The following CHSY3 variants were observed in gnomAD, a reference collection of about 807,000 sequenced individuals.
The protein encoded by CHSY3 is N-acetylgalactosaminyl-proteoglycan 3-beta-glucuronosyltransferase 3.
In CHSY3, 35 loss-of-function variants were observed where a neutral mutation model predicts 67.2. That is an observed-to-expected ratio of 0.52 (90% CI 0.40 to 0.69). CHSY3 has a LOEUF of 0.69. Among genes scored for constraint, CHSY3 ranks in the 30% least tolerant of loss-of-function variants. The probability of loss-of-function intolerance (pLI) is 0.00; values close to 1 mark genes in which losing one functional copy is unlikely to be tolerated. For missense variants in CHSY3, 1,069 were observed against 1,138.5 expected, an observed-to-expected ratio of 0.94 and a Z score of 0.88; for synonymous variants, 474 against 434.7, an observed-to-expected ratio of 1.09 and a Z score of -1.12.
At chr5:129,908,393 T>C (rs780176119) in intron 2 of CHSY3, 33 bp downstream of exon 2, 1 of 1,608,628 alleles carries the variant, frequency 6.2e-7, no homozygotes, top group Non-Finnish European at 8.5e-7. Flanking sequence ...AATGTTCACA[T>C]AGTACATATA....
At chr5:129,939,201 A>C (rs1761617694) in intron 2 of CHSY3, among the ~76,000 whole-genome samples, 2 of 152,194 alleles carry the variant, frequency 1.3e-5, no homozygotes, top group Non-Finnish European at 2.9e-5. Flanking sequence ...AGATTTTATG[A>C]GAACTCTATC....
chr5:130,177,756 A>C (rs540404381), intron 2 of CHSY3, among the ~76,000 whole-genome samples: 2 of 152,238 alleles, frequency 1.3e-5, no homozygotes, highest in South Asian at 4.1e-4. Flanking sequence ...CTTTTATAGA[A>C]TAAGCCCTTT....
At chr5:129,906,137 G>T (rs1452332644) in intron 1 of CHSY3, among the ~76,000 whole-genome samples, 1 of 152,024 alleles carries the variant, frequency 6.6e-6, no homozygotes, top group African/African-American at 2.4e-5. Flanking sequence ...CGCACTTTTG[G>T]AACTGCTCAG....
chr5:130,128,612 T>C (rs902115161), intron 2 of CHSY3, among the ~76,000 whole-genome samples: 1 of 152,118 alleles, frequency 6.6e-6, no homozygotes, highest in African/African-American at 2.4e-5. Context: ...TAGCTAATAA[T>C]ACTATGTTGC....
At chr5:130,117,042 A>C (rs945429061) in intron 2 of CHSY3, among the ~76,000 whole-genome samples, 1 of 152,146 alleles carries the variant, frequency 6.6e-6, no homozygotes, top group Non-Finnish European at 1.5e-5. Context: ...GTATCCTTTC[A>C]GTACCTACCA....
At chr5:130,142,998 AT>A (rs964069445) in intron 2 of CHSY3, among the ~76,000 whole-genome samples, 3 of 152,230 alleles carry the variant, frequency 2.0e-5, no homozygotes, top group African/African-American at 7.2e-5. Flanking sequence ...CTGTAAGAGT[AT>A]GGAAGTATGT....
chr5:129,923,906 C>T (rs1370560850), intron 2 of CHSY3, among the ~76,000 whole-genome samples: 1 of 152,094 alleles, frequency 6.6e-6, no homozygotes, highest in African/African-American at 2.4e-5. Flanking sequence ...GGTACAAATC[C>T]ATTGTGAGTA....
intron 2 of CHSY3, among the ~76,000 whole-genome samples, chr5:130,157,431 C>T (rs1769403966): frequency 6.6e-6 from 1 of 152,162 alleles, no homozygotes; most frequent in African/African-American, 2.4e-5. Flanking sequence ...ACCTAAGTGA[C>T]CCAAGCTATC....
intron 2 of CHSY3, among the ~76,000 whole-genome samples, chr5:129,941,694 T>A (rs1561465105): frequency 6.6e-6 from 1 of 152,138 alleles, no homozygotes; most frequent in Non-Finnish European, 1.5e-5. Context: ...CACAGAATAC[T>A]ATGACAAAAG....
At chr5:130,031,719 T>C (rs1764708550) in intron 2 of CHSY3, among the ~76,000 whole-genome samples, 4 of 152,184 alleles carry the variant, frequency 2.6e-5, no homozygotes. Context: ...TTCAACATTG[T>C]AACTGTGTTG....
At chr5:129,960,492 C>T (rs1762299542) in intron 2 of CHSY3, among the ~76,000 whole-genome samples, 1 of 151,940 alleles carries the variant, frequency 6.6e-6, no homozygotes. Flanking sequence ...AAAAAGACAA[C>T]TGTAGTATGA....
intron 2 of CHSY3, among the ~76,000 whole-genome samples, chr5:130,031,078 T>C (rs1000355890): frequency 6.6e-6 from 1 of 151,862 alleles, no homozygotes; most frequent in Non-Finnish European, 1.5e-5. Context: ...CCAAATGAGA[T>C]TGGCTCATTC....
chr5:130,161,617 T>C (rs1182683348), intron 2 of CHSY3, among the ~76,000 whole-genome samples: 1 of 152,248 alleles, frequency 6.6e-6, no homozygotes, highest in Admixed American at 6.5e-5. Context: ...TGCTCTTATG[T>C]TAGCATAGCT....
chr5:130,059,893 T>C (rs1310210140), intron 2 of CHSY3, among the ~76,000 whole-genome samples: 2 of 152,106 alleles, frequency 1.3e-5, no homozygotes, highest in Non-Finnish European at 2.9e-5. Context: ...AAAAATAGTA[T>C]AGTTAATTAT....
intron 2 of CHSY3, among the ~76,000 whole-genome samples, chr5:129,923,888 C>A (rs1352696626): frequency 6.6e-6 from 1 of 152,142 alleles, no homozygotes; most frequent in Non-Finnish European, 1.5e-5. Context: ...CCAGATTAGG[C>A]AGGCAGGGGT....
chr5:130,128,551 A>T (rs537517894), intron 2 of CHSY3, among the ~76,000 whole-genome samples: 2 of 152,268 alleles, frequency 1.3e-5, no homozygotes, highest in Admixed American at 6.5e-5. Flanking sequence ...CAAACAACAT[A>T]AACTTTATTA....
intron 2 of CHSY3, among the ~76,000 whole-genome samples, chr5:130,168,818 G>C (rs1304411955): frequency 6.6e-6 from 1 of 152,084 alleles, no homozygotes; most frequent in East Asian, 1.9e-4. Flanking sequence ...TTAGTACAAT[G>C]AGCACTGGCC....
At chr5:130,105,988 AG>A (rs754232656) in intron 2 of CHSY3, among the ~76,000 whole-genome samples, 45 of 151,610 alleles carry the variant, frequency 3.0e-4, no homozygotes, top group African/African-American at 1.0e-3. Flanking sequence ...TCTGATAAAC[AG>A]GGTTTTGGTT....
chr5:129,915,784 A>T (rs1264918056), intron 2 of CHSY3, among the ~76,000 whole-genome samples: 1 of 152,208 alleles, frequency 6.6e-6, no homozygotes, highest in Non-Finnish European at 1.5e-5. Context: ...ATAAGAGAAA[A>T]GTATGCAGAA....
Sources: allele counts gnomAD v4.1 joint callset (sites outside exome capture counted in the v4.1 genomes callset), GRCh38; gene constraint gnomAD v4.1.1; transcripts MANE v1.5; gene names NCBI Gene and HGNC (gene_info 2026-07-23, HGNC 2026-07-21).